Variants in PTGES3 observed in about 807,000 individuals in gnomAD.
PTGES3 encodes the protein prostaglandin E synthase 3.
Under a neutral mutation model 29.9 loss-of-function variants are expected in PTGES3, and 5 were observed. The observed-to-expected ratio is 0.17, with a 90% CI of 0.09 to 0.35. The LOEUF is 0.35. Ranked by LOEUF, PTGES3 falls within the 10% of genes least tolerant of loss-of-function variation. The pLI is 1.00. For synonymous variants in PTGES3, 49 were observed against 57.8 expected (o/e 0.85, Z 0.69); for missense variants, 128 against 190.0 (o/e 0.67, Z 1.92).
Position 56,683,473 on chromosome 12 carries a change from C to CAAAAAAAAAAAAAA in PTGES3, c.2+4511_2+4524dup, listed in dbSNP as rs71081388. On this transcript the variant is annotated intron_variant, in intron 1 of 7. Transcript: ENST00000262033. ...GGGCAACAAGAGAGAAACTCTGTCT[C>CAAAAAAAAAAAAAA]AAAAAAAAAAAAAAAAAAAAAAAAA... Among the ~76,000 whole-genome samples, 178 of 29,758 alleles carry CAAAAAAAAAAAAAA rather than the reference C, an allele frequency of 6.0e-3. 47 individuals carry two copies. Among genetic ancestry groups the CAAAAAAAAAAAAAA allele is most frequent in the Non-Finnish European group, 8.2e-3 (131 of 15,978 alleles). The allele number at this position is 29,758 out of a possible 152,430, so 19.5% of individuals were successfully genotyped here.
At chr12:56,670,132 A>G in intron 5 of PTGES3, 143 bp downstream of exon 5, 1 of 596,614 alleles carries the variant, frequency 1.7e-6, no homozygotes. Context: ...GTTAACATCT[A>G]TTTACTATGA....
intron 5 of PTGES3, among the ~76,000 whole-genome samples, chr12:56,668,892 T>C (rs1340880079): frequency 6.6e-6 from 1 of 152,124 alleles, no homozygotes; most frequent in Non-Finnish European, 1.5e-5. Context: ...TCTGCCTATA[T>C]AGAGATGAAT....
intron 6 of PTGES3, chr12:56,665,680 T>C: frequency 1.0e-6 from 1 of 968,408 alleles, no homozygotes; most frequent in Non-Finnish European, 1.2e-6. Flanking sequence ...CTCGCTCTGC[T>C]GCCCACACTG....
At position 56,683,274 on chromosome 12, in the gene PTGES3, G is replaced by A. The variant is rs145707756; in HGVS notation, c.2+4724C>T. On this transcript the variant is annotated intron_variant, in intron 1 of 7. Coordinates refer to ENST00000262033, the MANE Select transcript of PTGES3 (RefSeq NM_006601.7). Reference sequence around the variant, plus strand: ...CCGAGGCGGGTGATCACCTGAAGTCGGGAGTTTGAGACCAGCCTGACCAAC... The same window carrying A: ...CCGAGGCGGGTGATCACCTGAAGTCAGGAGTTTGAGACCAGCCTGACCAAC... Among the ~76,000 whole-genome samples the A allele has an allele frequency of 4.0e-5, 6 of 151,098 alleles. No homozygotes were observed. The East Asian group carries it at 1.2e-3, about 30-fold the overall frequency.
intron 1 of PTGES3, among the ~76,000 whole-genome samples, chr12:56,685,996 C>CT (rs768590132): frequency 6.6e-6 from 1 of 151,878 alleles, no homozygotes; most frequent in Non-Finnish European, 1.5e-5. Flanking sequence ...AGGCTGGTCT[C>CT]TAACTCCTGA....
chr12:56,682,814 C>T (rs764265952), intron 1 of PTGES3, among the ~76,000 whole-genome samples: 10 of 151,030 alleles, frequency 6.6e-5, no homozygotes, highest in South Asian at 2.1e-4. Flanking sequence ...AGCAAAACGG[C>T]GAAACCCCAT....
At chr12:56,674,955 G>T (rs1466086441) in intron 1 of PTGES3, among the ~76,000 whole-genome samples, 9 of 137,024 alleles carry the variant, frequency 6.6e-5, no homozygotes, top group African/African-American at 2.5e-4. Flanking sequence ...GGTGAGCCGA[G>T]ATCAGGCCAT....
At chr12:56,680,078 GTTTTTT>G (rs111760867) in intron 1 of PTGES3, among the ~76,000 whole-genome samples, 3 of 139,570 alleles carry the variant, frequency 2.1e-5, no homozygotes, top group African/African-American at 7.9e-5. Context: ...ATTGGTTTTG[GTTTTTT>G]TTTTTTTTTG....
intron 5 of PTGES3, among the ~76,000 whole-genome samples, chr12:56,666,771 C>A (rs190510831): frequency 6.6e-6 from 1 of 151,846 alleles, no homozygotes; most frequent in East Asian, 1.9e-4. Context: ...GGATTACAGG[C>A]GCGTACCACC....
Position 56,664,816 on chromosome 12 carries a change from T to TA in PTGES3, c.439-17dup. Reference sequence around the variant, plus strand: ...CTTGTGAATCCTGAAAGAGGGAAAATAAAGTTACCGAGCTGATCAAATATT... The same window carrying TA: ...CTTGTGAATCCTGAAAGAGGGAAAATAAAAGTTACCGAGCTGATCAAATATT... On this transcript the variant is annotated splice_polypyrimidine_tract_variant and intron_variant, in intron 6 of 7. Transcript: ENST00000262033. 1 of 1,597,670 alleles carries TA rather than the reference T, an allele frequency of 6.3e-7. No individual in the cohort carries two copies. Among genetic ancestry groups the TA allele is most frequent in the Non-Finnish European group, 8.6e-7 (1 of 1,169,366 alleles).
At chr12:56,668,481 G>A (rs1406974741) in intron 5 of PTGES3, among the ~76,000 whole-genome samples, 19 of 152,228 alleles carry the variant, frequency 1.2e-4, no homozygotes, top group Non-Finnish European at 1.9e-4. Context: ...GCTCAGGCCT[G>A]TAGTCCCAGC....
intron 1 of PTGES3, among the ~76,000 whole-genome samples, chr12:56,682,423 G>A (rs530415398): frequency 2.8e-4 from 42 of 152,158 alleles, no homozygotes; most frequent in Non-Finnish European, 4.1e-4. Flanking sequence ...TTAGCTGGGT[G>A]TGGTGGTGCA....
chr12:56,683,708 C>A (rs1408545603), intron 1 of PTGES3, among the ~76,000 whole-genome samples: 2 of 150,898 alleles, frequency 1.3e-5, no homozygotes, highest in African/African-American at 2.4e-5. Context: ...GCCTGTAATC[C>A]CAGCACTTTG....
chr12:56,678,534 A>T (rs1326244109), intron 1 of PTGES3, among the ~76,000 whole-genome samples: 2 of 152,214 alleles, frequency 1.3e-5, no homozygotes, highest in East Asian at 3.8e-4. Context: ...CAAATGGATT[A>T]AAATAACTGG....
At chr12:56,673,523 G>A (rs1038473335) in intron 1 of PTGES3, among the ~76,000 whole-genome samples, 1 of 148,110 alleles carries the variant, frequency 6.8e-6, no homozygotes, top group Non-Finnish European at 1.5e-5. Flanking sequence ...GCAGGGTACG[G>A]TGGCTCACGC....
At chr12:56,673,167 T>C in intron 1 of PTGES3, 102 bp from the exon 2 acceptor site, 1 of 706,398 alleles carries the variant, frequency 1.4e-6, no homozygotes. Flanking sequence ...GGGCAGTTTG[T>C]TACAATTTTA....
chr12:56,669,309 C>T (rs139381268), intron 5 of PTGES3, among the ~76,000 whole-genome samples: 2,131 of 152,238 alleles, frequency 0.014, 58 homozygotes, highest in African/African-American at 0.049. Flanking sequence ...TTTCCTGCCT[C>T]GGCCTCCCGA....
chr12:56,672,138 A>G (rs777543145), intron 3 of PTGES3, among the ~76,000 whole-genome samples: 19 of 152,178 alleles, frequency 1.2e-4, no homozygotes, highest in Non-Finnish European at 1.0e-4. Flanking sequence ...CACGATAAAC[A>G]GAATAAAACC....
rs375928400 is a variant in PTGES3 at position 56,687,554 on chromosome 12, G to A, written c.2+444C>T. The A allele has an allele frequency of 1.9e-4, 195 of 1,013,760 alleles. No homozygotes were observed. In the African/African-American group the frequency reaches 2.5e-3, roughly 13 times the overall value. 62.8% of individuals were successfully genotyped at this position (1,013,760 alleles called of 1,614,324 possible). On this transcript the variant is annotated intron_variant, in intron 1 of 7. Coordinates refer to ENST00000262033, the MANE Select transcript of PTGES3 (RefSeq NM_006601.7). The stretch of plus-strand genomic sequence containing the variant: ...TCCCAGGAGCTCCGCCAGGCACCTG[G>A]CGGCACCCACCACAGGTGCACTCGA...
Sources: gnomAD v4.1 joint callset for allele counts (sites outside exome capture counted in the v4.1 genomes callset) on GRCh38, gnomAD v4.1.1 for gene constraint, MANE v1.5 for transcripts, NCBI Gene and HGNC (gene_info 2026-07-23, HGNC 2026-07-21) for gene names.